The following CEP170B variants were observed in gnomAD, a reference collection of about 807,000 sequenced individuals.
The protein encoded by CEP170B is centrosomal protein of 170 kDa protein B.
In CEP170B, 55 loss-of-function variants were observed where a neutral mutation model predicts 120.6. The ratio of observed to expected loss-of-function variants is 0.46; its 90% CI spans 0.37 to 0.57. The LOEUF (loss-of-function observed/expected upper bound fraction) is 0.57. Ranked by LOEUF, CEP170B falls within the 20% of genes least tolerant of loss-of-function variation. The pLI, the probability that CEP170B is intolerant of heterozygous loss-of-function variation, is 0.00. For synonymous variants in CEP170B, 1,033 were observed against 954.5 expected, an observed-to-expected ratio of 1.08 and a Z score of -1.52; for missense variants, 2,212 against 2,253.3, an observed-to-expected ratio of 0.98 and a Z score of 0.37.
intron 6 of CEP170B, among the ~76,000 whole-genome samples, chr14:104,882,216 G>T (rs905831969): frequency 6.6e-6 from 1 of 150,662 alleles, no homozygotes; most frequent in Non-Finnish European, 1.5e-5. Flanking sequence ...CTAAAATGCC[G>T]CAGGGACCAT....
In CEP170B at chr14:104,891,969, G is replaced by T. The variant is rs1896871578; in HGVS notation, c.3879-1007G>T. Among the ~76,000 whole-genome samples, 1 of 152,154 alleles carries T rather than the reference G, an allele frequency of 6.6e-6. No individual in the cohort carries two copies. Among genetic ancestry groups the T allele is most frequent in the Admixed American group, 6.5e-5 (1 of 15,280 alleles). ...GCCATCTGGGCAGAGGGTGCTGGGG[G>T]TGTTTCTCTGGTCGTGCCAGTGTCT... On this transcript the variant is annotated intron_variant, in intron 13 of 18. Transcript: ENST00000414716. This position sits in a 1 kb window ranked among gnomAD's most constrained non-coding sequence, Gnocchi z 4.3.
At chr14:104,882,689 C>A in intron 6 of CEP170B, 39 bp from the exon 7 acceptor site, 2 of 1,549,614 alleles carry the variant, frequency 1.3e-6, no homozygotes, top group Non-Finnish European at 1.8e-6. Flanking sequence ...CACTGGGGGC[C>A]CCAGCAACAC....
rs1896329436 is a variant in CEP170B at position 104,884,293 on chromosome 14, C to T, written c.1514C>T (p.Ala505Val). Residue 505 changes from alanine to valine, a missense_variant, in exon 9 of 19, where the codon GCC becomes GTC. Transcript: ENST00000414716. ...TCCCGCCTGGCCCAGGACTTCATGG[C>T]CCAGTGTCTGCGGGAGAGCTCCCCG... ...RRSRLAQDFM[A>V]QCLRESSPAA... 4.5e-6 allele frequency: 7 copies of T among 1,544,336 alleles called. No individual in the cohort carries two copies. Among genetic ancestry groups the T allele is most frequent in the South Asian group, 1.2e-5 (1 of 83,716 alleles).
At chr14:104,882,618 G>T in intron 6 of CEP170B, 110 bp from the exon 7 acceptor site, 2 of 807,242 alleles carry the variant, frequency 2.5e-6, no homozygotes, top group African/African-American at 1.7e-5. Flanking sequence ...AAGCTGGGAG[G>T]TGATGCCAGG....
At chr14:104,871,584 C>T (rs1467079880) in intron 2 of CEP170B, among the ~76,000 whole-genome samples, 1 of 152,194 alleles carries the variant, frequency 6.6e-6, no homozygotes, top group Non-Finnish European at 1.5e-5. Context: ...AGAGACCCTG[C>T]CCTCCCTTGG....
chr14:104,874,214 A>G (rs557289092), intron 2 of CEP170B, among the ~76,000 whole-genome samples: 7 of 152,258 alleles, frequency 4.6e-5, no homozygotes, highest in African/African-American at 1.4e-4. Flanking sequence ...AGGAAGTCCA[A>G]TGGAGGAGGT....
rs1595346430 is a variant in CEP170B, at chr14:104,885,984, C to T, written c.1945-56C>T. 1.1e-5 allele frequency: 16 copies of T among 1,449,226 alleles called. No homozygotes were observed. In the East Asian group the frequency reaches 2.5e-4, roughly 23 times the overall value. 89.8% of individuals were successfully genotyped at this position (1,449,226 alleles called of 1,614,324 possible). On this transcript the variant is annotated intron_variant, in intron 10 of 18. Transcript: ENST00000414716. ...ACGCCCCTCCTGTTCCCTGGCACCC[C>T]CTGCTTCTCGCCGTTGGGCTTGCGT...
At chr14:104,894,610 G>T in intron 18 of CEP170B, 22 bp downstream of exon 18, 1 of 1,608,108 alleles carries the variant, frequency 6.2e-7, no homozygotes, top group Non-Finnish European at 8.5e-7. Flanking sequence ...CCAAGCCTGG[G>T]GCAGCAAGGG....
At position 104,865,582 on chromosome 14, in the gene CEP170B, G is replaced by A. The variant is rs1389334661; in HGVS notation, c.-28+69G>A. 1 of 151,032 alleles carries A rather than the reference G, an allele frequency of 6.6e-6. No homozygotes were observed. The highest frequency in any genetic ancestry group is 2.1e-4 in the South Asian group (1 of 4,832). 9.4% of individuals were successfully genotyped at this position (151,032 alleles called of 1,614,324 possible). On this transcript the variant is annotated intron_variant, in intron 1 of 18. Coordinates refer to ENST00000414716, the MANE Select transcript of CEP170B (RefSeq NM_001112726.3). This position sits in a 1 kb window ranked among gnomAD's most constrained non-coding sequence, Gnocchi z 6.7. Reference sequence around the variant, plus strand: ...ATCGCCCGCACCTGCACGGCTGTGGGGTCTCACGGGGCGCGGGGTCCCGGC... The same window carrying A: ...ATCGCCCGCACCTGCACGGCTGTGGAGTCTCACGGGGCGCGGGGTCCCGGC...
intron 2 of CEP170B, among the ~76,000 whole-genome samples, chr14:104,872,423 C>CGTGTGTGTG (rs1566852626): frequency 0.068 from 4,045 of 59,130 alleles, 496 homozygotes; most frequent in Middle Eastern, 0.28. Flanking sequence ...CGTGGGTGTG[C>CGTGTGTGTG]CGTGCGTGTG....
Position 104,895,361 on chromosome 14 carries a change from C to G in CEP170B, c.*403C>G, listed in dbSNP as rs908971937. The G allele has an allele frequency of 1.1e-5, 2 of 176,306 alleles. No individual in the cohort carries two copies. Among genetic ancestry groups the G allele is most frequent in the Non-Finnish European group, 2.4e-5 (2 of 84,682 alleles). 10.9% of individuals were successfully genotyped at this position (176,306 alleles called of 1,614,324 possible). ...ACTGGCTCCGCCAGGCACTAACCTG[C>G]CATAACCCTTTGTGCTGGCCTGCGG... On this transcript the variant is annotated 3_prime_UTR_variant, in exon 19 of 19. Transcript: ENST00000414716.
chr14:104,867,891 C>T lies in CEP170B; in HGVS notation c.-27-533C>T, dbSNP rs995873024. Among the ~76,000 whole-genome samples, 3 of 152,166 alleles carry T rather than the reference C, an allele frequency of 2.0e-5. No individual in the cohort carries two copies. The highest frequency in any genetic ancestry group is 2.9e-5 in the Non-Finnish European group (2 of 68,008). On this transcript the variant is annotated intron_variant, in intron 1 of 18. Coordinates refer to ENST00000414716, the MANE Select transcript of CEP170B (RefSeq NM_001112726.3). This position sits in a 1 kb window ranked among gnomAD's most constrained non-coding sequence, Gnocchi z 5.4. The stretch of plus-strand genomic sequence containing the variant: ...AGGGCCCCTGTCTCCAGCTCTGTCC[C>T]TGCTGCCCCTCACCCCAGGCCCTGC...
intron 2 of CEP170B, among the ~76,000 whole-genome samples, chr14:104,873,279 G>C (rs564438913): frequency 2.0e-5 from 3 of 148,056 alleles, no homozygotes; most frequent in East Asian, 4.1e-4. Flanking sequence ...CAAAGGAGCC[G>C]GAAGCTGGTG....
intron 2 of CEP170B, among the ~76,000 whole-genome samples, chr14:104,869,129 T>A (rs764845933): frequency 3.9e-5 from 6 of 152,114 alleles, no homozygotes; most frequent in Admixed American, 6.5e-5. Flanking sequence ...TGGTTTGAGG[T>A]CTGAGTTTGG....
chr14:104,878,651 C>G, intron 5 of CEP170B, 150 bp downstream of exon 5: 1 of 736,756 alleles, frequency 1.4e-6, no homozygotes, highest in Non-Finnish European at 2.2e-6. Flanking sequence ...TCAGGCCAGC[C>G]TGTCCTGCCC....
chr14:104,883,905 C>T lies in CEP170B; in HGVS notation c.1126C>T (p.Pro376Ser), dbSNP rs1896303193. ...LAKAASAAGV[P>S]LEASGEQVRL... ...CAAGGCGGCCTCGGCCGCTGGGGTG[C>T]CCTTGGAGGCCAGCGGGGAGCAGGT... The change falls in exon 9 of 19, where the codon CCC (proline) becomes TCC (serine). Residue 376 changes from proline to serine, a missense_variant. By Grantham distance (74) the Pro-to-Ser change is moderately conservative. Coordinates refer to ENST00000414716, the MANE Select transcript of CEP170B (RefSeq NM_001112726.3). 4.4e-6 allele frequency: 7 copies of T among 1,591,914 alleles called. No individual in the cohort carries two copies. Among genetic ancestry groups the T allele is most frequent in the South Asian group, 1.1e-5 (1 of 88,208 alleles).
chr14:104,889,389 C>A, intron 12 of CEP170B: 1 of 1,054,888 alleles, frequency 9.5e-7, no homozygotes, highest in Non-Finnish European at 1.3e-6. Flanking sequence ...TGGGTGGGGG[C>A]ACCAGCCTCG....
In CEP170B at chr14:104,868,825, C is replaced by A. The variant is rs1895326674; in HGVS notation, c.105+270C>A. ...GACAGGAGGGGGCTTAGGCTTTTGT[C>A]AGGTTCTCAAAGTTGTTGGGGTCCC... On this transcript the variant is annotated intron_variant, in intron 2 of 18. Transcript: ENST00000414716. This position sits in a 1 kb window ranked among gnomAD's most constrained non-coding sequence, Gnocchi z 5.9. Among the ~76,000 whole-genome samples, 1 of 152,164 alleles carries A rather than the reference C, an allele frequency of 6.6e-6. No homozygotes were observed. Among genetic ancestry groups the A allele is most frequent in the Admixed American group, 6.5e-5 (1 of 15,282 alleles).
Position 104,887,322 on chromosome 14 carries a change from G to C in CEP170B, c.3083G>C (p.Arg1028Pro). 1 of 1,610,430 alleles carries C rather than the reference G, an allele frequency of 6.2e-7. No homozygotes were observed. Among genetic ancestry groups the C allele is most frequent in the Non-Finnish European group, 8.5e-7 (1 of 1,179,138 alleles). The stretch of plus-strand genomic sequence containing the variant: ...ATGGGCCGTGGAGAGCCGGTACGGC[G>C]CTCAGCCATAAGGCGTGGCCACAGG... ...TDMGRGEPVR[R>P]SAIRRGHRPR... is the part of the protein sequence containing the mutation. Residue 1028 changes from arginine (R) to proline (P), a missense_variant, in exon 12 of 19, where the codon CGC (arginine) becomes CCC (proline). Transcript: ENST00000414716.
Sources: allele counts gnomAD v4.1 joint callset (sites outside exome capture counted in the v4.1 genomes callset), GRCh38; gene constraint gnomAD v4.1.1; non-coding constraint Gnocchi (gnomAD v3.1); transcripts MANE v1.5; gene names NCBI Gene and HGNC (gene_info 2026-07-23, HGNC 2026-07-21).